The following PTPRD variants were observed in gnomAD, a reference collection of about 807,000 sequenced individuals.
PTPRD encodes protein tyrosine phosphatase receptor type D.
In PTPRD, 34 loss-of-function variants were observed where a neutral mutation model predicts 214.5. The observed-to-expected ratio is 0.16, with a 90% CI of 0.12 to 0.21. The LOEUF is 0.21. Ranked by LOEUF, PTPRD falls within the 10% of genes least tolerant of loss-of-function variation. The probability of loss-of-function intolerance (pLI) is 1.00; values close to 1 mark genes in which losing one functional copy is unlikely to be tolerated. For synonymous variants in PTPRD, 1,128 were observed against 845.7 expected, an observed-to-expected ratio of 1.33 and a Z score of -5.79; for missense variants, 2,545 against 2,398.7, an observed-to-expected ratio of 1.06 and a Z score of -1.27.
At chr9:8,835,382 G>T (rs903820594) in intron 11 of PTPRD, among the ~76,000 whole-genome samples, 3 of 152,164 alleles carry the variant, frequency 2.0e-5, no homozygotes, top group African/African-American at 4.8e-5. Context: ...AAGCACCAAG[G>T]TCTCTACTAA....
rs143362148 is a variant in PTPRD at position 10,384,373 on chromosome 9, T to C, written c.-599-43356A>G. 3.2e-3 allele frequency among the ~76,000 whole-genome samples: 490 copies of C among 151,892 alleles called. 2 individuals are homozygous for C. Among genetic ancestry groups the C allele is most frequent in the Non-Finnish European group, 5.3e-3 (360 of 67,848 alleles). On this transcript the variant is annotated intron_variant, in intron 2 of 45. Coordinates refer to ENST00000381196, the MANE Select transcript of PTPRD (RefSeq NM_002839.4). ...GGTAGGTATTAGTCTCTATACTTTT[T>C]CTTGACTGGGTGATTTCCTGGGATT...
intron 2 of PTPRD, among the ~76,000 whole-genome samples, chr9:10,574,830 A>ATATG (rs142119750): frequency 2.3e-4 from 34 of 149,074 alleles, no homozygotes; most frequent in Admixed American, 5.4e-4. Context: ...ATATATATAT[A>ATATG]TATCTTAGAT....
intron 3 of PTPRD, among the ~76,000 whole-genome samples, chr9:10,329,805 T>C (rs1385337421): frequency 6.6e-6 from 1 of 151,876 alleles, no homozygotes; most frequent in Non-Finnish European, 1.5e-5. Context: ...CTTTTTCTAT[T>C]TAATGTGATA....
intron 5 of PTPRD, among the ~76,000 whole-genome samples, chr9:9,822,069 A>T (rs73398655): frequency 6.6e-6 from 1 of 151,796 alleles, no homozygotes. Context: ...AAAAATCATT[A>T]TAACTGTAAA....
chr9:10,592,797 TAG>T (rs1170296980), intron 2 of PTPRD, among the ~76,000 whole-genome samples: 1 of 151,778 alleles, frequency 6.6e-6, no homozygotes, highest in Non-Finnish European at 1.5e-5. Context: ...AGTCTAAAAG[TAG>T]CCAATCGCAG....
At chr9:9,539,887 C>T (rs1357559760) in intron 8 of PTPRD, among the ~76,000 whole-genome samples, 1 of 151,662 alleles carries the variant, frequency 6.6e-6, no homozygotes, top group Non-Finnish European at 1.5e-5. Context: ...GGTTTTCAGC[C>T]CTTTTCCAAA....
At chr9:8,438,311 G>C (rs963199162) in intron 34 of PTPRD, among the ~76,000 whole-genome samples, 3 of 152,166 alleles carry the variant, frequency 2.0e-5, no homozygotes, top group East Asian at 1.9e-4. Context: ...CAAGTGTTGT[G>C]AATTGTGGTG....
chr9:9,290,659 ACT>A (rs1197619040), intron 9 of PTPRD, among the ~76,000 whole-genome samples: 2 of 151,512 alleles, frequency 1.3e-5, no homozygotes, highest in African/African-American at 4.8e-5. Flanking sequence ...TCGGTTAATG[ACT>A]CTGTATGTAA....
intron 3 of PTPRD, among the ~76,000 whole-genome samples, chr9:10,242,013 G>A (rs1341260918): frequency 6.6e-6 from 1 of 151,882 alleles, no homozygotes; most frequent in Non-Finnish European, 1.5e-5. Flanking sequence ...TTTCATGTCA[G>A]CACTGGAGTA....
At chr9:9,302,490 C>CT (rs1955688257) in intron 9 of PTPRD, among the ~76,000 whole-genome samples, 1 of 36,444 alleles carries the variant, frequency 2.7e-5, no homozygotes, top group Non-Finnish European at 4.6e-5. Flanking sequence ...AGATAAGGCC[C>CT]ATGTAACTTG....
At chr9:8,804,674 G>A (rs760653328) in intron 11 of PTPRD, among the ~76,000 whole-genome samples, 3 of 150,706 alleles carry the variant, frequency 2.0e-5, no homozygotes, top group Admixed American at 1.3e-4. Flanking sequence ...AGAAACGTGT[G>A]GCATGAACTT....
chr9:8,507,203 A>G, intron 22 of PTPRD, 98 bp downstream of exon 22: 1 of 1,390,106 alleles, frequency 7.2e-7, no homozygotes, highest in Admixed American at 2.3e-5. Context: ...CAAGGTCCTC[A>G]ATAGCTCTCT....
chr9:9,878,841 A>C (rs1485829866), intron 5 of PTPRD, among the ~76,000 whole-genome samples: 1 of 152,166 alleles, frequency 6.6e-6, no homozygotes, highest in South Asian at 2.1e-4. Context: ...AAAAAGATGA[A>C]GAGGAAGAAC....
At chr9:8,448,257 G>C (rs550733062) in intron 34 of PTPRD, among the ~76,000 whole-genome samples, 8 of 152,184 alleles carry the variant, frequency 5.3e-5, no homozygotes, top group African/African-American at 1.9e-4. Context: ...GATCCCGGGA[G>C]GTTGAGGCTG....
intron 11 of PTPRD, among the ~76,000 whole-genome samples, chr9:8,999,618 T>G (rs1330028724): frequency 1.3e-5 from 2 of 151,996 alleles, no homozygotes; most frequent in Admixed American, 6.6e-5. Flanking sequence ...GAACCTTTAA[T>G]ATCTCCGAGG....
chr9:9,236,095 C>T (rs919405639), intron 9 of PTPRD, among the ~76,000 whole-genome samples: 3 of 151,978 alleles, frequency 2.0e-5, no homozygotes, highest in African/African-American at 7.3e-5. Flanking sequence ...GAAACCCTGC[C>T]TCTACCAAAA....
At chr9:8,465,777 A>C in intron 31 of PTPRD, 102 bp from the exon 32 acceptor site, 3 of 959,184 alleles carry the variant, frequency 3.1e-6, no homozygotes, top group Non-Finnish European at 4.6e-6. Flanking sequence ...AACAACCCAA[A>C]TGCAATTTGT....
At chr9:9,439,778 A>C (rs986740966) in intron 8 of PTPRD, among the ~76,000 whole-genome samples, 7 of 152,210 alleles carry the variant, frequency 4.6e-5, no homozygotes, top group African/African-American at 9.7e-5. Context: ...AGATACTGAC[A>C]CTTTATTTGT....
chr9:8,418,594 A>G (rs1466507657), intron 35 of PTPRD, among the ~76,000 whole-genome samples: 1 of 150,284 alleles, frequency 6.7e-6, no homozygotes, highest in African/African-American at 2.5e-5. Context: ...AATTTTAATC[A>G]TTTCTTGTCT....
Sources: gnomAD v4.1 joint callset for allele counts (sites outside exome capture counted in the v4.1 genomes callset) on GRCh38, gnomAD v4.1.1 for gene constraint, MANE v1.5 for transcripts, NCBI Gene and HGNC (gene_info 2026-07-23, HGNC 2026-07-21) for gene names.